ROBO1: variants seen among roughly 807,000 people sequenced by gnomAD.
The protein encoded by ROBO1 is roundabout guidance receptor 1, also known as roundabout homolog 1.
A neutral mutation model predicts 195.9 loss-of-function variants in ROBO1; 149 were observed. The observed-to-expected ratio is 0.76, with a 90% CI of 0.67 to 0.87. The LOEUF (loss-of-function observed/expected upper bound fraction) is 0.87. Ranked by LOEUF, ROBO1 falls within the 40% of genes least tolerant of loss-of-function variation. The pLI is 0.00. For synonymous variants in ROBO1, 816 were observed against 733.2 expected (o/e 1.11, Z -1.82); for missense variants, 1,933 against 2,068.3 (o/e 0.93, Z 1.27).
intron 2 of ROBO1, among the ~76,000 whole-genome samples, chr3:79,270,819 G>A (rs1442464961): frequency 1.3e-5 from 2 of 151,854 alleles, no homozygotes; most frequent in African/African-American, 4.8e-5. Context: ...TCAAGAGAAT[G>A]GCTTTTTCGG....
At chr3:78,896,658 C>CAAAAAAAAAAA (rs142287501) in intron 4 of ROBO1, among the ~76,000 whole-genome samples, 2 of 65,924 alleles carry the variant, frequency 3.0e-5, no homozygotes, top group African/African-American at 1.3e-4. Context: ...TTGTTGCTCA[C>CAAAAAAAAAAA]AAAAAAAAAA....
At chr3:78,847,578 C>T (rs1226483503) in intron 4 of ROBO1, among the ~76,000 whole-genome samples, 1 of 152,074 alleles carries the variant, frequency 6.6e-6, no homozygotes, top group African/African-American at 2.4e-5. Flanking sequence ...GTAAGACTTC[C>T]CTTTTCAAAT....
chr3:79,141,352 C>A (rs2080520903), intron 2 of ROBO1, among the ~76,000 whole-genome samples: 1 of 152,174 alleles, frequency 6.6e-6, no homozygotes, highest in Admixed American at 6.5e-5. Flanking sequence ...TCCTCATTGT[C>A]TGCCTTTCTT....
intron 2 of ROBO1, among the ~76,000 whole-genome samples, chr3:79,176,699 C>A (rs532864721): frequency 6.6e-6 from 1 of 152,254 alleles, no homozygotes; most frequent in African/African-American, 2.4e-5. Flanking sequence ...CTCAAGTGAT[C>A]TGCCCCCAGC....
chr3:79,207,138 T>C (rs1294608626), intron 2 of ROBO1, among the ~76,000 whole-genome samples: 2 of 152,132 alleles, frequency 1.3e-5, no homozygotes, highest in Non-Finnish European at 2.9e-5. Flanking sequence ...AAGTGTAAAA[T>C]TGTTGTTAAG....
intron 28 of ROBO1, among the ~76,000 whole-genome samples, chr3:78,610,183 G>GT (rs1367331643): frequency 4.6e-4 from 70 of 152,230 alleles, no homozygotes; most frequent in African/African-American, 1.6e-3. Context: ...ATAAAATCAA[G>GT]TTTTTTTGTC....
At chr3:78,654,222 G>A (rs975555413) in intron 18 of ROBO1, among the ~76,000 whole-genome samples, 1 of 152,142 alleles carries the variant, frequency 6.6e-6, no homozygotes, top group Non-Finnish European at 1.5e-5. Flanking sequence ...CAGGAAAACA[G>A]CACCCCTTTC....
At chr3:79,391,743 A>G (rs182756112) in intron 2 of ROBO1, among the ~76,000 whole-genome samples, 124 of 152,298 alleles carry the variant, frequency 8.1e-4, no homozygotes, top group African/African-American at 2.8e-3. Flanking sequence ...ATATACTGTT[A>G]TAGCCACTAG....
At chr3:79,662,997 G>T (rs548667190) in intron 1 of ROBO1, among the ~76,000 whole-genome samples, 2 of 152,076 alleles carry the variant, frequency 1.3e-5, no homozygotes, top group South Asian at 2.1e-4. Flanking sequence ...CACACACAAA[G>T]AATCACATAT....
intron 22 of ROBO1, among the ~76,000 whole-genome samples, 163 bp from the exon 23 acceptor site, chr3:78,636,271 A>T (rs1418617403): frequency 6.6e-6 from 1 of 152,224 alleles, no homozygotes; most frequent in African/African-American, 2.4e-5. Flanking sequence ...TGTGCTTTCT[A>T]AAGAAAATTA....
chr3:79,231,684 C>T (rs2082324057), intron 2 of ROBO1, among the ~76,000 whole-genome samples: 1 of 152,068 alleles, frequency 6.6e-6, no homozygotes, highest in Non-Finnish European at 1.5e-5. Context: ...GACAGAAATG[C>T]CATTTGACCC....
intron 3 of ROBO1, among the ~76,000 whole-genome samples, chr3:79,034,067 T>A (rs1164427066): frequency 2.6e-5 from 4 of 152,186 alleles, no homozygotes; most frequent in African/African-American, 9.6e-5. Context: ...TGTATTCACA[T>A]CTCAAACTCT....
At chr3:78,901,951 AT>A (rs1157914770) in intron 4 of ROBO1, among the ~76,000 whole-genome samples, 1 of 152,152 alleles carries the variant, frequency 6.6e-6, no homozygotes, top group East Asian at 1.9e-4. Flanking sequence ...AATTACGTTT[AT>A]TTCAAAATTT....
At chr3:78,656,718 CG>C (rs1310887035) in intron 18 of ROBO1, among the ~76,000 whole-genome samples, 1 of 152,006 alleles carries the variant, frequency 6.6e-6, no homozygotes, top group African/African-American at 2.4e-5. Flanking sequence ...TTCATGTTCA[CG>C]GAGGTATCCT....
intron 3 of ROBO1, among the ~76,000 whole-genome samples, chr3:79,123,231 T>C (rs1050300453): frequency 6.6e-6 from 1 of 151,996 alleles, no homozygotes; most frequent in African/African-American, 2.4e-5. Flanking sequence ...AGATAGGCCA[T>C]CTCACTTTCC....
At chr3:79,727,362 CA>C (rs899164164) in intron 1 of ROBO1, among the ~76,000 whole-genome samples, 9 of 150,050 alleles carry the variant, frequency 6.0e-5, no homozygotes, top group East Asian at 1.9e-4. Context: ...GTAGAATTTT[CA>C]AAAAAAAGGT....
intron 8 of ROBO1, among the ~76,000 whole-genome samples, chr3:78,711,360 TTCCTTC>T (rs2081706515): frequency 2.6e-5 from 1 of 38,084 alleles, no homozygotes; most frequent in Non-Finnish European, 4.4e-5. Context: ...CCTTCCTTCC[TTCCTTC>T]CTTCCTTCCT....
At chr3:78,776,901 TTAAA>T (rs2083523886) in intron 4 of ROBO1, among the ~76,000 whole-genome samples, 2 of 152,176 alleles carry the variant, frequency 1.3e-5, no homozygotes, top group Admixed American at 1.3e-4. Flanking sequence ...ATTGTGAGGA[TTAAA>T]TAAATTATAC....
rs1366485799 is a variant in ROBO1 at position 79,314,177 on chromosome 3, A to T, written c.89-188638T>A. Among the ~76,000 whole-genome samples, 7 of 152,144 alleles carry T rather than the reference A, an allele frequency of 4.6e-5. No individual in the cohort carries two copies. In the South Asian group the frequency reaches 8.3e-4, roughly 18 times the overall value. On this transcript the variant is annotated intron_variant, in intron 2 of 30. Transcript: ENST00000464233. Reference sequence around the variant, plus strand: ...TTTACTTGGATTTTGTTCTTCTCCCACCTCAAACATACATTTTAGGTTTTA... The same window carrying T: ...TTTACTTGGATTTTGTTCTTCTCCCTCCTCAAACATACATTTTAGGTTTTA...
Sources: gnomAD v4.1 joint callset for allele counts (sites outside exome capture counted in the v4.1 genomes callset) on GRCh38, gnomAD v4.1.1 for gene constraint, MANE v1.5 for transcripts, NCBI Gene and HGNC (gene_info 2026-07-23, HGNC 2026-07-21) for gene names.